TRIB3: variants seen among roughly 807,000 people sequenced by gnomAD.
TRIB3 encodes tribbles homolog 3.
TRIB3 carries 20 observed loss-of-function variants against 16.6 expected under a neutral mutation model. The observed-to-expected ratio is 1.20, with a 90% CI of 0.85 to 1.75. The LOEUF (loss-of-function observed/expected upper bound fraction) is 1.75. Among genes scored for constraint, TRIB3 ranks in the 40% most tolerant of loss-of-function variants. The pLI is 0.00. For synonymous variants in TRIB3, 208 were observed against 217.0 expected (o/e 0.96, Z 0.36); for missense variants, 484 against 488.9 (o/e 0.99, Z 0.10).
In TRIB3 at chr20:388,079, C is replaced by T. The variant is rs1365797470; in HGVS notation, c.69C>T (p.Asp23=). Residue 23 remains aspartate, a synonymous_variant, in exon 2 of 4, where the codon GAC becomes GAT. Coordinates refer to ENST00000217233, the MANE Select transcript of TRIB3 (RefSeq NM_021158.5). The part of the protein sequence containing the change: ...LSRKKRLELD[D]NLDTERPVQK... ...GGAAGAAGCGGTTGGAGTTGGATGA[C>T]AACTTAGATACCGAGCGTCCCGTCC... The T allele has an allele frequency of 6.2e-7, 1 of 1,614,008 alleles. No individual in the cohort carries two copies. Among genetic ancestry groups the T allele is most frequent in the Non-Finnish European group, 8.5e-7 (1 of 1,180,024 alleles).
chr20:387,004 GCCTCC>G (rs1023732607), intron 1 of TRIB3, among the ~76,000 whole-genome samples: 11 of 152,054 alleles, frequency 7.2e-5, no homozygotes, highest in Non-Finnish European at 1.5e-4. Context: ...GCCCACCTTG[GCCTCC>G]CAAAGTGCTG....
intron 1 of TRIB3, among the ~76,000 whole-genome samples, chr20:387,043 G>A (rs901053675): frequency 2.9e-4 from 44 of 152,148 alleles, no homozygotes; most frequent in Admixed American, 7.2e-4. Context: ...GAGCCACCAC[G>A]CCTGGCCAGG....
intron 3 of TRIB3, among the ~76,000 whole-genome samples, chr20:395,194 C>G (rs1263146797): frequency 6.6e-6 from 1 of 150,452 alleles, no homozygotes; most frequent in Non-Finnish European, 1.5e-5. Flanking sequence ...GGGTCTCACT[C>G]TGTCACCCAG....
chr20:391,217 T>C (rs2014966091), intron 2 of TRIB3, 70 bp from the exon 3 acceptor site: 1 of 1,523,190 alleles, frequency 6.6e-7, no homozygotes, highest in East Asian at 2.3e-5. Context: ...AGGTCAGCTG[T>C]GACTGTTTGC....
chr20:382,597 G>T, intron 1 of TRIB3: 2 of 1,534,426 alleles, frequency 1.3e-6, no homozygotes, highest in South Asian at 1.2e-5. Context: ...TGCTAATAAT[G>T]ACCATTTCCT....
At chr20:382,595 AT>A in intron 1 of TRIB3, 1 of 1,534,684 alleles carries the variant, frequency 6.5e-7, no homozygotes, top group Non-Finnish European at 8.7e-7. Flanking sequence ...AGTGCTAATA[AT>A]GACCATTTCC....
At position 393,064 on chromosome 20, in the gene TRIB3, T is replaced by C. The variant is rs546055013; in HGVS notation, c.584+1485T>C. 2.1e-5 allele frequency among the ~76,000 whole-genome samples: 2 copies of C among 95,708 alleles called. 1 individual carries two copies. The highest frequency in any genetic ancestry group is 1.0e-4 in the African/African-American group (2 of 19,342). 62.8% of individuals were successfully genotyped at this position (95,708 alleles called of 152,430 possible). A position where few individuals can be genotyped will look rare whatever the true frequency, so the allele number is the denominator to read the frequency against. On this transcript the variant is annotated intron_variant, in intron 3 of 3. Coordinates refer to ENST00000217233, the MANE Select transcript of TRIB3 (RefSeq NM_021158.5). ...TTTTATCTTGAAATAATTTTAGACTTTTAGAAAACCTACAAAAATAGTTCA... is the reference window on the plus strand; with the variant it reads ...TTTTATCTTGAAATAATTTTAGACTCTTAGAAAACCTACAAAAATAGTTCA...
At position 396,482 on chromosome 20, in the gene TRIB3, G is replaced by C. The variant is rs924581832; in HGVS notation, c.869G>C (p.Cys290Ser). The change falls in exon 4 of 4, where the codon TGT becomes TCT. Residue 290 changes from cysteine to serine, a missense_variant. Cys to Ser is a moderately radical substitution (Grantham distance 112, BLOSUM62 -1). Coordinates refer to ENST00000217233, the MANE Select transcript of TRIB3 (RefSeq NM_021158.5). Reference protein sequence around the residue: ...LPAGLSAPARCLVRCLLRREP... With the variant: ...LPAGLSAPARSLVRCLLRREP... ...GCAGGCCTCTCGGCCCCTGCCCGCT[G>C]TCTGGTTCGCTGCCTCCTTCGTCGG... 6.2e-7 allele frequency: 1 copy of C among 1,612,904 alleles called. No homozygotes were observed.
Position 391,450 on chromosome 20 carries a change from A to T in TRIB3, c.455A>T (p.His152Leu), listed in dbSNP as rs753577366. 2 of 1,613,898 alleles carry T rather than the reference A, an allele frequency of 1.2e-6. No homozygotes were observed. The highest frequency in any genetic ancestry group is 4.5e-5 in the East Asian group (2 of 44,880). ...ATGCACAGCCTGGTGCGAAGCCGCC[A>T]CCGTATCCCTGAGCCTGAGGCTGCC... is the stretch of plus-strand genomic sequence containing the variant. ...GDMHSLVRSR[H>L]RIPEPEAAVL... The change falls in exon 3 of 4, where the codon CAC becomes CTC. Residue 152 changes from histidine to leucine, a missense_variant. Coordinates refer to ENST00000217233, the MANE Select transcript of TRIB3 (RefSeq NM_021158.5).
chr20:390,921 G>A (rs2014954232), intron 2 of TRIB3, among the ~76,000 whole-genome samples: 1 of 144,416 alleles, frequency 6.9e-6, no homozygotes, highest in African/African-American at 2.6e-5. Context: ...AGAATCACTT[G>A]AATCCAGGAG....
rs150841542 is a variant in TRIB3, at chr20:388,116, C to T, written c.106C>T (p.Arg36Ter). 5.0e-5 allele frequency: 81 copies of T among 1,614,122 alleles called. No homozygotes were observed. The African/African-American group carries it at 7.7e-4, about 15-fold the overall frequency. Residue 36 changes from arginine (R) to a stop codon, truncating the protein, a stop_gained, in exon 2 of 4, where the codon CGA (arginine) becomes TGA (stop). Coordinates refer to ENST00000217233, the MANE Select transcript of TRIB3 (RefSeq NM_021158.5). LOFTEE classifies it high-confidence loss of function. Reference protein sequence around the residue: ...DTERPVQKRARSGPQPRLPPC... With the variant: ...DTERPVQKRA ...CGAGCGTCCCGTCCAGAAACGAGCT[C>T]GAAGTGGGCCCCAGCCCAGACTGCC...
rs937149640 is a variant in TRIB3 at position 380,766 on chromosome 20, C to A, written c.-404C>A. 6.6e-6 allele frequency: 1 copy of A among 151,978 alleles called. No individual in the cohort carries two copies. The highest frequency in any genetic ancestry group is 1.5e-5 in the Non-Finnish European group (1 of 68,122). 9.4% of individuals were successfully genotyped at this position (151,978 alleles called of 1,614,324 possible). Reference sequence around the variant, plus strand: ...GCTGATGTCTGCACTGACCAGACGCCCCTAGGGGGCCAGCGAGGGCGGGTC... The same window carrying A: ...GCTGATGTCTGCACTGACCAGACGCACCTAGGGGGCCAGCGAGGGCGGGTC... On this transcript the variant is annotated 5_prime_UTR_variant, in exon 1 of 4. Coordinates refer to ENST00000217233, the MANE Select transcript of TRIB3 (RefSeq NM_021158.5).
chr20:396,983 C>A lies in TRIB3; in HGVS notation c.*293C>A. The stretch of plus-strand genomic sequence containing the variant: ...TGACAAACTGGCATCCTTGAGCTGA[C>A]AACACTTTTCCATGACCATAGGTCA... On this transcript the variant is annotated 3_prime_UTR_variant, in exon 4 of 4. Coordinates refer to ENST00000217233, the MANE Select transcript of TRIB3 (RefSeq NM_021158.5). 5.1e-6 allele frequency: 2 copies of A among 390,994 alleles called. No homozygotes were observed. The allele number at this position is 390,994 out of a possible 1,614,324, so 24.2% of individuals were successfully genotyped here.
intron 1 of TRIB3, chr20:382,459 A>G: frequency 7.1e-7 from 1 of 1,409,558 alleles, no homozygotes. Flanking sequence ...ACAGCCAGGT[A>G]TCATCCTGCG....
At position 396,447 on chromosome 20, in the gene TRIB3, C is replaced by G. The variant is rs375469008; in HGVS notation, c.834C>G (p.Tyr278Ter). 1.2e-6 allele frequency: 2 copies of G among 1,612,796 alleles called. No homozygotes were observed. The highest frequency in any genetic ancestry group is 1.7e-6 in the Non-Finnish European group (2 of 1,179,990). ...TCGGCAAGATCCGCCGCGGGGCCTACGCCTTGCCTGCAGGCCTCTCGGCCC... is the reference window on the plus strand; with the variant it reads ...TCGGCAAGATCCGCCGCGGGGCCTAGGCCTTGCCTGCAGGCCTCTCGGCCC... The part of the protein sequence containing the change: ...LLFGKIRRGA[Y>*]ALPAGLSAPA... The change falls in exon 4 of 4, where the codon TAC becomes TAG. Residue 278 changes from tyrosine (Y) to a stop codon, truncating the protein, a stop_gained. Coordinates refer to ENST00000217233, the MANE Select transcript of TRIB3 (RefSeq NM_021158.5). LOFTEE classifies it low-confidence loss of function (END_TRUNC).
At chr20:388,628 T>C (rs1600250820) in intron 2 of TRIB3, among the ~76,000 whole-genome samples, 3 of 151,826 alleles carry the variant, frequency 2.0e-5, no homozygotes, top group African/African-American at 7.3e-5. Context: ...GGAACAGCTG[T>C]TCAAAGGCCT....
rs184100531 is a variant in TRIB3 at position 392,972 on chromosome 20, A to G, written c.584+1393A>G. Among the ~76,000 whole-genome samples, 10 of 152,304 alleles carry G rather than the reference A, an allele frequency of 6.6e-5. No homozygotes were observed. In the East Asian group the frequency reaches 1.9e-3, roughly 29 times the overall value. On this transcript the variant is annotated intron_variant, in intron 3 of 3. Transcript: ENST00000217233. The stretch of plus-strand genomic sequence containing the variant: ...GTCAAGATGTGTCAGGGAGTGCACT[A>G]AGCTGCCAGTTACACAGGAGTTTTC...
chr20:396,426 C>T lies in TRIB3; in HGVS notation c.813C>T (p.Gly271=), dbSNP rs2015127946. 1.2e-6 allele frequency: 2 copies of T among 1,612,832 alleles called. No homozygotes were observed. The highest frequency in any genetic ancestry group is 1.1e-5 in the South Asian group (1 of 91,082). ...ACTCGGAGCCTGTCCTGCTCTTCGG[C>T]AAGATCCGCCGCGGGGCCTACGCCT... is the stretch of plus-strand genomic sequence containing the variant. ...FQDSEPVLLF[G]KIRRGAYALP... The change falls in exon 4 of 4, where the codon GGC becomes GGT. Residue 271 remains glycine (G), a synonymous_variant. Coordinates refer to ENST00000217233, the MANE Select transcript of TRIB3 (RefSeq NM_021158.5).
intron 3 of TRIB3, among the ~76,000 whole-genome samples, chr20:395,763 A>C (rs970593646): frequency 3.9e-5 from 6 of 152,172 alleles, no homozygotes; most frequent in Admixed American, 3.3e-4. Context: ...GTCAAGGGCC[A>C]GGAACACAGC....
Sources: gnomAD v4.1 joint callset for allele counts (sites outside exome capture counted in the v4.1 genomes callset) on GRCh38, gnomAD v4.1.1 for gene constraint, MANE v1.5 for transcripts, NCBI Gene and HGNC (gene_info 2026-07-23, HGNC 2026-07-21) for gene names.